The following ARHGAP8 variants were observed in gnomAD, a reference collection of about 807,000 sequenced individuals.
The protein encoded by ARHGAP8 is rho GTPase-activating protein 8.
Under a neutral mutation model 46.1 loss-of-function variants are expected in ARHGAP8, and 62 were observed. The observed-to-expected ratio is 1.34, with a 90% CI of 1.10 to 1.66. The LOEUF is 1.66. Ranked by LOEUF, ARHGAP8 falls within the 40% of genes most tolerant of loss-of-function variation. The pLI is 0.00. For synonymous variants in ARHGAP8, 375 were observed against 243.1 expected, an observed-to-expected ratio of 1.54 and a Z score of -5.05; for missense variants, 923 against 568.4, an observed-to-expected ratio of 1.62 and a Z score of -6.34.
chr22:44,789,089 T>A (rs549943225), intron 2 of ARHGAP8, among the ~76,000 whole-genome samples: 39 of 152,344 alleles, frequency 2.6e-4, no homozygotes, highest in Non-Finnish European at 4.3e-4. Context: ...TGTAAATTTC[T>A]TCCTTTAGTT....
intron 10 of ARHGAP8, among the ~76,000 whole-genome samples, chr22:44,857,694 C>T (rs898445788): frequency 6.6e-6 from 1 of 152,158 alleles, no homozygotes; most frequent in Non-Finnish European, 1.5e-5. Context: ...ATAGGATGAT[C>T]TCATGGCCTG....
intron 5 of ARHGAP8, among the ~76,000 whole-genome samples, 161 bp downstream of exon 5, chr22:44,814,919 A>G (rs1174419514): frequency 9.9e-5 from 15 of 152,044 alleles, no homozygotes; most frequent in Non-Finnish European, 2.2e-4. Flanking sequence ...GGGGGTCACA[A>G]GGCCAGCCCA....
chr22:44,809,202 C>CTG (rs1265565975), intron 4 of ARHGAP8: 2 of 470,498 alleles, frequency 4.3e-6, no homozygotes, highest in Non-Finnish European at 8.8e-6. Flanking sequence ...CTCTGCTGGA[C>CTG]TGTGTTCCAG....
chr22:44,862,103 C>T (rs572732635), intron 11 of ARHGAP8, among the ~76,000 whole-genome samples, 172 bp from the exon 12 acceptor site: 6 of 152,088 alleles, frequency 3.9e-5, no homozygotes, highest in Admixed American at 2.6e-4. Flanking sequence ...GATAGGGTAA[C>T]TAAGGCCCTG....
intron 11 of ARHGAP8, 49 bp downstream of exon 11, chr22:44,859,883 C>A (rs139715390): frequency 3.8e-6 from 6 of 1,596,468 alleles, no homozygotes; most frequent in Non-Finnish European, 3.4e-6. Context: ...GGCCTTCCCT[C>A]CCATGCTGGG....
chr22:44,786,191 A>G, intron 1 of ARHGAP8: 1 of 559,418 alleles, frequency 1.8e-6, no homozygotes. Context: ...CGGCTGAGGT[A>G]GGGCGTATAG....
At chr22:44,761,267 T>C (rs573425901) in intron 1 of ARHGAP8, among the ~76,000 whole-genome samples, 2 of 152,342 alleles carry the variant, frequency 1.3e-5, no homozygotes, top group African/African-American at 4.8e-5. Context: ...CCGTGGCCTC[T>C]GTAACCGTGG....
rs543792775 is a variant in ARHGAP8, at chr22:44,845,150, C to G, written c.597-119C>G. 3.2e-4 allele frequency: 403 copies of G among 1,258,598 alleles called. 3 individuals are homozygous for G. In the African/African-American group the frequency reaches 5.7e-3, roughly 18 times the overall value. The allele number at this position is 1,258,598 out of a possible 1,614,324, so 78.0% of individuals were successfully genotyped here. Reference sequence around the variant, plus strand: ...GAGGGCTGAGCCTACCTCTCTCTTCCTGGACAGTGCCTGGGTCCTGTGTTT... The same window carrying G: ...GAGGGCTGAGCCTACCTCTCTCTTCGTGGACAGTGCCTGGGTCCTGTGTTT... On this transcript the variant is annotated intron_variant, in intron 7 of 11. Transcript: ENST00000356099.
rs367887535 is a variant in ARHGAP8, at chr22:44,840,245, T to C, written c.597-5024T>C. On this transcript the variant is annotated intron_variant, in intron 7 of 11. Coordinates refer to ENST00000356099, the MANE Select transcript of ARHGAP8 (RefSeq NM_181335.3). ...TCACAGTGGCTTAAAGTAACACATATTTATTTTCTTGCGATTCTGGAGGTC... is the reference window on the plus strand; with the variant it reads ...TCACAGTGGCTTAAAGTAACACATACTTATTTTCTTGCGATTCTGGAGGTC... 4.7e-4 allele frequency among the ~76,000 whole-genome samples: 72 copies of C among 152,346 alleles called. No individual in the cohort carries two copies. The South Asian group carries it at 0.013, about 29-fold the overall frequency.
At chr22:44,847,919 T>A in intron 8 of ARHGAP8, 54 bp from the exon 9 acceptor site, 1 of 1,599,794 alleles carries the variant, frequency 6.3e-7, no homozygotes. Context: ...TATAATGTCC[T>A]GGAAGCCCTT....
intron 2 of ARHGAP8, among the ~76,000 whole-genome samples, chr22:44,790,570 G>C (rs1296411059): frequency 1.3e-5 from 2 of 150,364 alleles, no homozygotes; most frequent in Non-Finnish European, 3.0e-5. Context: ...CAGCTACTTG[G>C]GAGGCTGAAA....
intron 11 of ARHGAP8, among the ~76,000 whole-genome samples, chr22:44,860,955 C>G (rs546404090): frequency 6.6e-6 from 1 of 151,798 alleles, no homozygotes; most frequent in South Asian, 2.1e-4. Context: ...TTTTTTTCTC[C>G]CTGTTGCTTG....
At chr22:44,772,966 G>A (rs943381101) in intron 1 of ARHGAP8, among the ~76,000 whole-genome samples, 5 of 152,014 alleles carry the variant, frequency 3.3e-5, no homozygotes, top group South Asian at 2.1e-4. Context: ...CTACAAGTGT[G>A]CACTACCATG....
intron 3 of ARHGAP8, among the ~76,000 whole-genome samples, chr22:44,803,380 AGGAACC>A (rs1928693659): frequency 6.6e-6 from 1 of 152,140 alleles, no homozygotes; most frequent in East Asian, 1.9e-4. Flanking sequence ...AACTTGGGCA[AGGAACC>A]TTTTACTGCA....
intron 1 of ARHGAP8, among the ~76,000 whole-genome samples, chr22:44,773,128 T>C (rs192626675): frequency 6.6e-6 from 1 of 152,172 alleles, no homozygotes; most frequent in Non-Finnish European, 1.5e-5. Flanking sequence ...GAAGCTTTTC[T>C]TAACAAATTT....
At chr22:44,858,354 TGTTG>T (rs1317387776) in intron 10 of ARHGAP8, among the ~76,000 whole-genome samples, 5 of 143,348 alleles carry the variant, frequency 3.5e-5, no homozygotes, top group African/African-American at 1.0e-4. Flanking sequence ...GGTGAATACT[TGTTG>T]GTTGGTGGTG....
intron 1 of ARHGAP8, among the ~76,000 whole-genome samples, chr22:44,785,791 C>T (rs1279402157): frequency 6.6e-6 from 1 of 152,180 alleles, no homozygotes; most frequent in Non-Finnish European, 1.5e-5. Context: ...CTTAGGAGGG[C>T]AGCCTTTTCT....
At chr22:44,826,053 C>G (rs1178487051) in intron 7 of ARHGAP8, among the ~76,000 whole-genome samples, 2 of 152,106 alleles carry the variant, frequency 1.3e-5, no homozygotes, top group Non-Finnish European at 2.9e-5. Context: ...TCCGGGTACA[C>G]AGACACTTCC....
intron 2 of ARHGAP8, among the ~76,000 whole-genome samples, chr22:44,797,362 A>AGG (rs1210864204): frequency 6.6e-6 from 1 of 151,994 alleles, no homozygotes; most frequent in Non-Finnish European, 1.5e-5. Context: ...ATTCCACAGG[A>AGG]GGAGGGCTCA....
Sources: gnomAD v4.1 joint callset for allele counts (sites outside exome capture counted in the v4.1 genomes callset) on GRCh38, gnomAD v4.1.1 for gene constraint, MANE v1.5 for transcripts, NCBI Gene and HGNC (gene_info 2026-07-23, HGNC 2026-07-21) for gene names.